OR52H1: variants seen among roughly 807,000 people sequenced by gnomAD.
OR52H1 encodes the protein olfactory receptor 52H1.
For missense variants in OR52H1, 383 were observed against 396.4 expected (o/e 0.97, Z 0.29); for synonymous variants, 148 against 138.6 (o/e 1.07, Z -0.48).
chr11:5,547,687 C>G (rs1174076362), intron 1 of OR52H1, among the ~76,000 whole-genome samples: 1 of 151,552 alleles, frequency 6.6e-6, no homozygotes, highest in Non-Finnish European at 1.5e-5. Flanking sequence ...GCACTGTTGC[C>G]CAGGATGGAG....
At chr11:5,546,290 AAAG>A (rs1309358082) in intron 1 of OR52H1, among the ~76,000 whole-genome samples, 1 of 152,186 alleles carries the variant, frequency 6.6e-6, no homozygotes, top group Non-Finnish European at 1.5e-5. Context: ...TTTCTGTCCA[AAAG>A]AAGGACTGCT....
In OR52H1 at chr11:5,545,444, C is replaced by T; in HGVS notation, c.62G>A (p.Gly21Asp). The change falls in exon 2 of 2, where the codon GGC becomes GAC. Residue 21 changes from glycine to aspartate, a missense_variant. Gly to Asp is a moderately conservative substitution (Grantham distance 94, BLOSUM62 -1). Coordinates refer to ENST00000322653, the MANE Select transcript of OR52H1 (RefSeq NM_001005289.5). ...PGPFILVGIP[G>D]LEQFHVWIGI... Reference sequence around the variant, plus strand: ...AATCCACACATGGAATTGCTCCAGGCCTGGGATCCCTACCAGAATGAAGGG... The same window carrying T: ...AATCCACACATGGAATTGCTCCAGGTCTGGGATCCCTACCAGAATGAAGGG... 1.2e-6 allele frequency: 2 copies of T among 1,614,098 alleles called. No individual in the cohort carries two copies. The highest frequency in any genetic ancestry group is 1.7e-6 in the Non-Finnish European group (2 of 1,179,994).
In OR52H1 at chr11:5,544,807, T is replaced by A; in HGVS notation, c.699A>T (p.Gln233His). The change falls in exon 2 of 2, where the codon CAA becomes CAT. Residue 233 changes from glutamine to histidine, a missense_variant. By Grantham distance (24) the Gln-to-His change is conservative. Transcript: ENST00000322653. ...ILCAVFGLPS[Q>H]DACQKALGTC... ...TGCCGAGGGCTTTCTGGCAGGCATC[T>A]TGGGAGGGAAGGCCAAAGACAGCAC... The A allele has an allele frequency of 1.2e-6, 2 of 1,614,014 alleles. No homozygotes were observed. The highest frequency in any genetic ancestry group is 2.2e-5 in the South Asian group (2 of 91,068).
intron 1 of OR52H1, among the ~76,000 whole-genome samples, chr11:5,547,736 C>G (rs1846872674): frequency 6.6e-6 from 1 of 152,118 alleles, no homozygotes; most frequent in East Asian, 1.9e-4. Flanking sequence ...ACCTCCACCT[C>G]CATGGTTCAA....
chr11:5,547,050 G>C (rs895848387), intron 1 of OR52H1, among the ~76,000 whole-genome samples: 1 of 152,212 alleles, frequency 6.6e-6, no homozygotes, highest in East Asian at 1.9e-4. Flanking sequence ...CCGCCTCCCC[G>C]GTTCAAGCGA....
chr11:5,545,037 T>C lies in OR52H1; in HGVS notation c.469A>G (p.Ile157Val). 6.2e-7 allele frequency: 1 copy of C among 1,614,194 alleles called. No individual in the cohort carries two copies. The highest frequency in any genetic ancestry group is 1.3e-5 in the African/African-American group (1 of 75,034). The stretch of plus-strand genomic sequence containing the variant: ...AGCAAGAATACATCTGGCAGGATGA[T>C]GCAGAAGCTTCGAAAGGAGATGCCC... ...AMGISFRSFC[I>V]ILPDVFLLTC... The change falls in exon 2 of 2, where the codon ATC becomes GTC. Residue 157 changes from isoleucine to valine, a missense_variant. Transcript: ENST00000322653.
At chr11:5,547,206 TC>T (rs961876843) in intron 1 of OR52H1, among the ~76,000 whole-genome samples, 51 of 152,304 alleles carry the variant, frequency 3.3e-4, no homozygotes, top group African/African-American at 9.6e-4. Flanking sequence ...TCCACCCACC[TC>T]AGCCTCCCAA....
rs1995156 is a variant in OR52H1 at position 5,544,882 on chromosome 11, C to T, written c.624G>A (p.Thr208=). 920,165 of 1,613,330 alleles carry T rather than the reference C, an allele frequency of 0.57. 272,305 individuals carry two copies. The highest frequency in any genetic ancestry group is 0.61 in the Non-Finnish European group (724,727 of 1,179,620). Residue 208 remains threonine, a synonymous_variant, in exon 2 of 2, where the codon ACG becomes ACA. Coordinates refer to ENST00000322653, the MANE Select transcript of OR52H1 (RefSeq NM_001005289.5). ...CAATGAGAATCACATCTGAGATGAC[C>T]GTCATGATGGGAACACAAAAGCCAT... ...FWYGFCVPIM[T]VISDVILIAV...
intron 1 of OR52H1, among the ~76,000 whole-genome samples, chr11:5,545,862 G>A (rs1408404046): frequency 6.6e-6 from 1 of 152,118 alleles, no homozygotes; most frequent in Non-Finnish European, 1.5e-5. Flanking sequence ...TCCCATACAA[G>A]TTAACAAAGT....
chr11:5,547,048 C>A (rs934628112), intron 1 of OR52H1, among the ~76,000 whole-genome samples: 1 of 152,030 alleles, frequency 6.6e-6, no homozygotes, highest in Admixed American at 6.6e-5. Flanking sequence ...CTCCGCCTCC[C>A]CGGTTCAAGC....
rs1408535307 is a variant in OR52H1, at chr11:5,544,862, A to C, written c.644T>G (p.Leu215Arg). 6.2e-7 allele frequency: 1 copy of C among 1,613,958 alleles called. No individual in the cohort carries two copies. The highest frequency in any genetic ancestry group is 8.5e-7 in the Non-Finnish European group (1 of 1,179,952). The change falls in exon 2 of 2, where the codon CTC becomes CGC. Residue 215 changes from leucine to arginine, a missense_variant. Leu to Arg is a moderately radical substitution (Grantham distance 102). Coordinates refer to ENST00000322653, the MANE Select transcript of OR52H1 (RefSeq NM_001005289.5). ...GATGTGTGCGTAGGAAACAGCAATG[A>C]GAATCACATCTGAGATGACCGTCAT... ...PIMTVISDVI[L>R]IAVSYAHILC...
At chr11:5,547,171 G>C (rs1302799307) in intron 1 of OR52H1, among the ~76,000 whole-genome samples, 1 of 152,016 alleles carries the variant, frequency 6.6e-6, no homozygotes, top group Non-Finnish European at 1.5e-5. Flanking sequence ...GGCCAGGCTG[G>C]TCTCGAACTC....
rs1314781389 is a variant in OR52H1, at chr11:5,544,935, A to C, written c.571T>G (p.Cys191Gly). Reference protein sequence around the residue: ...CEHIGVAQLACADISINFWYG... With the variant: ...CEHIGVAQLAGADISINFWYG... The stretch of plus-strand genomic sequence containing the variant: ...CAGAAGTTGATGGAGATATCAGCAC[A>C]GGCGAGCTGGGCAACACCTATATGC... The change falls in exon 2 of 2, where the codon TGT becomes GGT. Residue 191 changes from cysteine to glycine, a missense_variant. Physicochemically the swap from Cys to Gly is radical, Grantham distance 159. Transcript: ENST00000322653. The C allele has an allele frequency of 6.2e-7, 1 of 1,614,222 alleles. No homozygotes were observed. The highest frequency in any genetic ancestry group is 1.1e-5 in the South Asian group (1 of 91,080).
At position 5,544,842 on chromosome 11, in the gene OR52H1, G is replaced by A. The variant is rs778383949; in HGVS notation, c.664C>T (p.His222Tyr). ...AGGCCAAAGACAGCACAGAGGATGTGTGCGTAGGAAACAGCAATGAGAATC... is the reference window on the plus strand; with the variant it reads ...AGGCCAAAGACAGCACAGAGGATGTATGCGTAGGAAACAGCAATGAGAATC... ...DVILIAVSYA[H>Y]ILCAVFGLPS... The change falls in exon 2 of 2, where the codon CAC becomes TAC. Residue 222 changes from histidine (H) to tyrosine (Y), a missense_variant. His to Tyr is a moderately conservative substitution (Grantham distance 83, BLOSUM62 2). Coordinates refer to ENST00000322653, the MANE Select transcript of OR52H1 (RefSeq NM_001005289.5). 13 of 1,613,956 alleles carry A rather than the reference G, an allele frequency of 8.1e-6. No individual in the cohort carries two copies. In the Middle Eastern group the frequency reaches 8.2e-4, roughly 102 times the overall value.
rs760417306 is a variant in OR52H1, at chr11:5,545,080, G to T, written c.426C>A (p.Thr142=). 2 of 1,614,160 alleles carry T rather than the reference G, an allele frequency of 1.2e-6. No individual in the cohort carries two copies. Among genetic ancestry groups the T allele is most frequent in the South Asian group, 1.1e-5 (1 of 91,082 alleles). Residue 142 remains threonine (T), a synonymous_variant, in exon 2 of 2, where the codon ACC becomes ACA. Transcript: ENST00000322653. ...AGATGCCCATAGCACTCTTGATGAT[G>T]GTCTTGGGAGTCAAGATGGTGGTAT... ...LRYTTILTPK[T]IIKSAMGISF...
Position 5,544,736 on chromosome 11 carries a change from G to T in OR52H1, c.770C>A (p.Ala257Asp), listed in dbSNP as rs866062201. 3 of 1,614,166 alleles carry T rather than the reference G, an allele frequency of 1.9e-6. No homozygotes were observed. The highest frequency in any genetic ancestry group is 2.5e-6 in the Non-Finnish European group (3 of 1,180,024). The change falls in exon 2 of 2, where the codon GCC (alanine) becomes GAC (aspartate). Residue 257 changes from alanine (A) to aspartate (D), a missense_variant. By Grantham distance (126) the Ala-to-Asp change is moderately radical. Transcript: ENST00000322653. ...VCVILMFYTPAFFSILAHRFG... is the reference protein window; with the variant it reads ...VCVILMFYTPDFFSILAHRFG... ...GCGATGGGCGAGGATGGAGAAAAAG[G>T]CAGGTGTATAAAACATGAGGATGAC...
Position 5,544,641 on chromosome 11 carries a change from G to C in OR52H1, c.865C>G (p.Leu289Val), listed in dbSNP as rs1420648551. Residue 289 changes from leucine to valine, a missense_variant, in exon 2 of 2, where the codon CTC becomes GTC. By Grantham distance (32) the Leu-to-Val change is conservative (BLOSUM62 1). Coordinates refer to ENST00000322653, the MANE Select transcript of OR52H1 (RefSeq NM_001005289.5). ...ANLYIVIPPA[L>V]NPMVYGVKTK... Reference sequence around the variant, plus strand: ...TTCACTCCGTAAACCATGGGGTTGAGTGCAGGTGGGATAACAATGTAGAGA... The same window carrying C: ...TTCACTCCGTAAACCATGGGGTTGACTGCAGGTGGGATAACAATGTAGAGA... 2 of 1,614,010 alleles carry C rather than the reference G, an allele frequency of 1.2e-6. No individual in the cohort carries two copies. The highest frequency in any genetic ancestry group is 2.2e-5 in the East Asian group (1 of 44,896).
In OR52H1 at chr11:5,544,872, C is replaced by G. The variant is rs769591994; in HGVS notation, c.634G>C (p.Asp212His). ...FCVPIMTVIS[D>H]VILIAVSYAH... The stretch of plus-strand genomic sequence containing the variant: ...TAGGAAACAGCAATGAGAATCACAT[C>G]TGAGATGACCGTCATGATGGGAACA... The change falls in exon 2 of 2, where the codon GAT becomes CAT. Residue 212 changes from aspartate to histidine, a missense_variant. Asp to His is a moderately conservative substitution (Grantham distance 81, BLOSUM62 -1). Coordinates refer to ENST00000322653, the MANE Select transcript of OR52H1 (RefSeq NM_001005289.5). 33 of 1,613,938 alleles carry G rather than the reference C, an allele frequency of 2.0e-5. No homozygotes were observed. Among genetic ancestry groups the G allele is most frequent in the African/African-American group, 6.7e-5 (5 of 74,908 alleles).
rs375756227 is a variant in OR52H1 at position 5,545,332 on chromosome 11, A to G, written c.174T>C (p.His58=). 1.2e-5 allele frequency: 19 copies of G among 1,614,230 alleles called. No individual in the cohort carries two copies. The highest frequency in any genetic ancestry group is 1.4e-5 in the Non-Finnish European group (17 of 1,180,036). ...LYLIVVEHSL[H]EPMFFFLSML... is the part of the protein sequence containing the mutation. ...TGGAGAGAAAGAAGAACATGGGTTC[A>G]TGAAGACTATGCTCCACCACAATGA... is the stretch of plus-strand genomic sequence containing the variant. The change falls in exon 2 of 2, where the codon CAT becomes CAC. Residue 58 remains histidine (H), a synonymous_variant. Transcript: ENST00000322653.
Sources: allele counts gnomAD v4.1 joint callset (sites outside exome capture counted in the v4.1 genomes callset), GRCh38; gene constraint gnomAD v4.1.1; transcripts MANE v1.5; gene names NCBI Gene and HGNC (gene_info 2026-07-23, HGNC 2026-07-21).